ALDH1A1: variants seen among roughly 807,000 people sequenced by gnomAD.
The protein encoded by ALDH1A1 is aldehyde dehydrogenase 1A1.
A neutral mutation model predicts 62.1 loss-of-function variants in ALDH1A1; 19 were observed. That is an observed-to-expected ratio of 0.31 (90% confidence interval 0.21 to 0.45). The LOEUF is 0.45. ALDH1A1 is among the 20% of genes least tolerant of loss of function. ALDH1A1 has a pLI of 1.00. For missense variants in ALDH1A1, 521 were observed against 607.1 expected, an observed-to-expected ratio of 0.86 and a Z score of 1.49; for synonymous variants, 231 against 215.9, an observed-to-expected ratio of 1.07 and a Z score of -0.61.
chr9:72,952,471 C>T (rs932908845), intron 1 of ALDH1A1, among the ~76,000 whole-genome samples: 3 of 151,974 alleles, frequency 2.0e-5, no homozygotes, highest in Non-Finnish European at 4.4e-5. Flanking sequence ...AGACTTAAGT[C>T]CCCCTATTTT....
At chr9:72,914,884 T>A (rs1290294604) in intron 9 of ALDH1A1, among the ~76,000 whole-genome samples, 3 of 152,136 alleles carry the variant, frequency 2.0e-5, no homozygotes, top group African/African-American at 7.2e-5. Context: ...TGAGGAAGAT[T>A]CCATCATTGT....
chr9:72,944,780 C>G (rs1271513979), intron 1 of ALDH1A1, among the ~76,000 whole-genome samples: 1 of 151,994 alleles, frequency 6.6e-6, no homozygotes, highest in Non-Finnish European at 1.5e-5. Context: ...TATATTAACT[C>G]AATTCTAATT....
intron 3 of ALDH1A1, among the ~76,000 whole-genome samples, 154 bp from the exon 4 acceptor site, chr9:72,929,175 ACTTCCT>A (rs1830248865): frequency 6.6e-6 from 1 of 152,240 alleles, no homozygotes; most frequent in African/African-American, 2.4e-5. Context: ...AGTTAAAATG[ACTTCCT>A]TTAGGTCAAA....
intron 8 of ALDH1A1, 111 bp from the exon 9 acceptor site, chr9:72,917,215 C>T: frequency 1.2e-6 from 1 of 837,744 alleles, no homozygotes; most frequent in Non-Finnish European, 1.6e-6. Flanking sequence ...TGTAGTCAGA[C>T]ATGGGCTCAG....
rs1045756563 is a variant in ALDH1A1 at position 72,908,585 on chromosome 9, AAGAAAGAAAGAAAG to A, written c.1358+1003_1358+1016del. Among the ~76,000 whole-genome samples the A allele has an allele frequency of 6.7e-5, 9 of 135,326 alleles. 1 individual carries two copies. Among genetic ancestry groups the A allele is most frequent in the African/African-American group, 2.2e-4 (8 of 36,108 alleles). 88.8% of individuals were successfully genotyped at this position (135,326 alleles called of 152,430 possible). On this transcript the variant is annotated intron_variant, in intron 11 of 12. Coordinates refer to ENST00000297785, the MANE Select transcript of ALDH1A1 (RefSeq NM_000689.5). ...AAAGAAAGAAAGAAAGAAAGAAAGAAAGAAAGAAAGAAAGAAAGAAAGAAAGAAAGAAAGAAAGA... is the reference window on the plus strand; with the variant it reads ...AAAGAAAGAAAGAAAGAAAGAAAGAAAAAGAAAGAAAGAAAGAAAGAAAGA...
intron 2 of ALDH1A1, among the ~76,000 whole-genome samples, chr9:72,934,917 T>A (rs1220748479): frequency 2.1e-5 from 3 of 145,622 alleles, no homozygotes; most frequent in African/African-American, 7.3e-5. Context: ...GCCCTAATAA[T>A]GACCTCCTTT....
chr9:72,946,626 C>T (rs1248561470), intron 1 of ALDH1A1, among the ~76,000 whole-genome samples: 1 of 151,954 alleles, frequency 6.6e-6, no homozygotes, highest in East Asian at 1.9e-4. Flanking sequence ...GTTTGTGAAG[C>T]AATCCTTGCT....
rs925862061 is a variant in ALDH1A1, at chr9:72,942,486, G to A, written c.67-2234C>T. On this transcript the variant is annotated intron_variant, in intron 1 of 12. Coordinates refer to ENST00000297785, the MANE Select transcript of ALDH1A1 (RefSeq NM_000689.5). ...ATACAAGTATAAAAAAGCTTTCCCT[G>A]TTCTCTTTGCCCCCTACCTCTGCCT... The A allele has an allele frequency of 7.3e-6, 4 of 548,050 alleles. No homozygotes were observed. In the African/African-American group the frequency reaches 8.2e-5, roughly 11 times the overall value. 33.9% of individuals were successfully genotyped at this position (548,050 alleles called of 1,614,324 possible). A position where few individuals can be genotyped will look rare whatever the true frequency, so the allele number is the denominator to read the frequency against.
intron 1 of ALDH1A1, among the ~76,000 whole-genome samples, chr9:72,949,388 G>C (rs1055600652): frequency 2.0e-5 from 3 of 151,830 alleles, no homozygotes; most frequent in Non-Finnish European, 4.4e-5. Flanking sequence ...CAGTGTCCCA[G>C]AGTAGTGGAA....
intron 11 of ALDH1A1, 60 bp from the exon 12 acceptor site, chr9:72,906,092 T>C (rs1262413244): frequency 1.0e-5 from 14 of 1,370,874 alleles, no homozygotes; most frequent in Non-Finnish European, 1.2e-5. Flanking sequence ...AAAATCCTTT[T>C]TGGCAGTTTT....
In ALDH1A1 at chr9:72,916,934, T is replaced by A; in HGVS notation, c.1021A>T (p.Thr341Ser). Residue 341 changes from threonine to serine, a missense_variant, in exon 9 of 13, where the codon ACT (threonine) becomes TCT (serine). By Grantham distance (58) the Thr-to-Ser change is moderately conservative. Coordinates refer to ENST00000297785, the MANE Select transcript of ALDH1A1 (RefSeq NM_000689.5). ...TTTATACTTACCTGAGGGCCTTGAG[T>A]GACTCCTGGGGTCAGAGGATTTCCA... ...ILGNPLTPGV[T>S]QGPQIDKEQY... 1 of 1,610,260 alleles carries A rather than the reference T, an allele frequency of 6.2e-7. No individual in the cohort carries two copies. Among genetic ancestry groups the A allele is most frequent in the South Asian group, 1.1e-5 (1 of 90,496 alleles).
chr9:72,915,378 T>C (rs1830048851), intron 9 of ALDH1A1, among the ~76,000 whole-genome samples: 1 of 152,174 alleles, frequency 6.6e-6, no homozygotes, highest in South Asian at 2.1e-4. Context: ...TCTTCAGATC[T>C]ATCAATCAAT....
chr9:72,902,131 A>G (rs1829812791), intron 12 of ALDH1A1, among the ~76,000 whole-genome samples: 1 of 151,922 alleles, frequency 6.6e-6, no homozygotes, highest in South Asian at 2.1e-4. Context: ...TCAGGAATTA[A>G]CTCAGTCAAT....
chr9:72,936,025 T>G (rs1008929658), intron 2 of ALDH1A1, among the ~76,000 whole-genome samples: 3 of 152,230 alleles, frequency 2.0e-5, no homozygotes, highest in African/African-American at 7.2e-5. Flanking sequence ...TGGTTTACCA[T>G]GAACAGTTTA....
intron 10 of ALDH1A1, among the ~76,000 whole-genome samples, chr9:72,911,065 A>T (rs1245027878): frequency 6.6e-6 from 1 of 151,872 alleles, no homozygotes; most frequent in African/African-American, 2.4e-5. Context: ...ATGACAGCTC[A>T]TTTTTTTTCT....
intron 1 of ALDH1A1, chr9:72,942,375 T>C: frequency 1.0e-6 from 1 of 985,282 alleles, no homozygotes. Context: ...ATGCACACTG[T>C]CCCCCAGCCC....
At chr9:72,952,439 A>G (rs974448062) in intron 1 of ALDH1A1, among the ~76,000 whole-genome samples, 1 of 152,046 alleles carries the variant, frequency 6.6e-6, no homozygotes, top group African/African-American at 2.4e-5. Context: ...AGTCCATCTG[A>G]AGATTTTCGA....
intron 9 of ALDH1A1, among the ~76,000 whole-genome samples, chr9:72,914,698 C>A (rs897302290): frequency 6.6e-6 from 1 of 150,428 alleles, no homozygotes; most frequent in African/African-American, 2.4e-5. Context: ...GAAAAAGATA[C>A]ACACATGAAT....
Position 72,917,094 on chromosome 9 carries a change from A to C in ALDH1A1, c.861T>G (p.Ala287=). 1 of 1,585,280 alleles carries C rather than the reference A, an allele frequency of 6.3e-7. No individual in the cohort carries two copies. Among genetic ancestry groups the C allele is most frequent in the Non-Finnish European group, 8.6e-7 (1 of 1,165,382 alleles). The change falls in exon 9 of 13, where the codon GCT becomes GCG. Residue 287 remains alanine (A), a synonymous_variant. Transcript: ENST00000297785. ...ATACCCCATGGTGTGCAAATTCAACAGCATTGTCCACTGCGAAGAAGACAT... is the reference window on the plus strand; with the variant it reads ...ATACCCCATGGTGTGCAAATTCAACCGCATTGTCCACTGCGAAGAAGACAT... ...IVLADADLDN[A]VEFAHHGVFY...
Sources: gnomAD v4.1 joint callset for allele counts (sites outside exome capture counted in the v4.1 genomes callset) on GRCh38, gnomAD v4.1.1 for gene constraint, MANE v1.5 for transcripts, NCBI Gene and HGNC (gene_info 2026-07-23, HGNC 2026-07-21) for gene names.